The following SLC38A9 variants were observed in gnomAD, a reference collection of about 807,000 sequenced individuals.
SLC38A9 encodes the protein neutral amino acid transporter 9.
A neutral mutation model predicts 62.3 loss-of-function variants in SLC38A9; 48 were observed. The ratio of observed to expected loss-of-function variants is 0.77; its 90% confidence interval spans 0.61 to 0.98. The LOEUF is 0.98. SLC38A9 is among the 50% of genes least tolerant of loss of function. SLC38A9 has a pLI of 0.00. For synonymous variants in SLC38A9, 204 were observed against 227.7 expected, an observed-to-expected ratio of 0.90 and a Z score of 0.94; for missense variants, 541 against 679.8, an observed-to-expected ratio of 0.80 and a Z score of 2.27.
chr5:55,669,141 C>T (rs1196833047), intron 7 of SLC38A9, 87 bp downstream of exon 7: 9 of 820,118 alleles, frequency 1.1e-5, no homozygotes, highest in Non-Finnish European at 1.7e-5. Context: ...AGCTGACACA[C>T]ATGTAGCATA....
chr5:55,684,113 C>T (rs1345744070), intron 3 of SLC38A9, among the ~76,000 whole-genome samples: 1 of 151,964 alleles, frequency 6.6e-6, no homozygotes, highest in Non-Finnish European at 1.5e-5. Context: ...TTATTTTTTT[C>T]ATATTTATCT....
rs1265488643 is a variant in SLC38A9 at position 55,661,725 on chromosome 5, A to G, written c.697+2968T>C. ...TTTTAAAATAAAAAACTTTTGAATA[A>G]CACAGAGCTACCATATAAAAAGAGA... On this transcript the variant is annotated intron_variant, in intron 8 of 15. Coordinates refer to ENST00000396865, the MANE Select transcript of SLC38A9 (RefSeq NM_173514.4). 2.0e-5 allele frequency among the ~76,000 whole-genome samples: 3 copies of G among 152,178 alleles called. No individual in the cohort carries two copies. In the East Asian group the frequency reaches 5.8e-4, roughly 29 times the overall value.
chr5:55,652,534 A>T lies in SLC38A9; in HGVS notation c.947T>A (p.Ile316Asn). Residue 316 changes from isoleucine (I) to asparagine (N), a missense_variant, in exon 10 of 16, where the codon ATC becomes AAC. Physicochemically the swap from Ile to Asn is moderately radical, Grantham distance 149. Coordinates refer to ENST00000396865, the MANE Select transcript of SLC38A9 (RefSeq NM_173514.4). ...KSPSFFSKFN[I>N]LGTVSVLYLI... ...AATTCAGTGCTACTACTTACCTAGGATATTAAATTTTGAAAAAAATGAAGG... is the reference window on the plus strand; with the variant it reads ...AATTCAGTGCTACTACTTACCTAGGTTATTAAATTTTGAAAAAAATGAAGG... The T allele has an allele frequency of 1.3e-6, 2 of 1,595,554 alleles. No homozygotes were observed. The highest frequency in any genetic ancestry group is 1.7e-6 in the Non-Finnish European group (2 of 1,169,468).
intron 2 of SLC38A9, among the ~76,000 whole-genome samples, chr5:55,699,132 G>A (rs1756311157): frequency 6.6e-6 from 1 of 152,102 alleles, no homozygotes; most frequent in Admixed American, 6.5e-5. Flanking sequence ...GCACGCTCCT[G>A]TAATCCCAGT....
chr5:55,689,737 C>T (rs1457787234), intron 3 of SLC38A9, among the ~76,000 whole-genome samples: 1 of 152,170 alleles, frequency 6.6e-6, no homozygotes, highest in Admixed American at 6.5e-5. Flanking sequence ...CAGTCCCCAA[C>T]TTACAGCAGT....
chr5:55,643,863 T>G (rs984196401), intron 12 of SLC38A9, among the ~76,000 whole-genome samples: 1 of 152,256 alleles, frequency 6.6e-6, no homozygotes, highest in Non-Finnish European at 1.5e-5. Flanking sequence ...TTTCTTATGT[T>G]TAATATTTGC....
intron 2 of SLC38A9, among the ~76,000 whole-genome samples, chr5:55,710,559 T>C (rs771110544): frequency 6.6e-6 from 1 of 152,148 alleles, no homozygotes; most frequent in Non-Finnish European, 1.5e-5. Flanking sequence ...GGCAGAGAGA[T>C]TTTTCTCAAG....
chr5:55,657,238 CT>C (rs1748615695), intron 8 of SLC38A9, among the ~76,000 whole-genome samples: 2 of 152,126 alleles, frequency 1.3e-5, no homozygotes, highest in Admixed American at 1.3e-4. Context: ...GTTTTCTTCA[CT>C]TATGGGCATG....
At chr5:55,627,160 A>G (rs960364158) in intron 15 of SLC38A9, among the ~76,000 whole-genome samples, 4 of 152,152 alleles carry the variant, frequency 2.6e-5, no homozygotes, top group African/African-American at 9.6e-5. Flanking sequence ...CCTTTTCTCT[A>G]TACTTGGGTT....
intron 3 of SLC38A9, among the ~76,000 whole-genome samples, chr5:55,674,628 T>A (rs1311705033): frequency 1.3e-5 from 2 of 152,132 alleles, no homozygotes; most frequent in Non-Finnish European, 2.9e-5. Context: ...AAGAAATAAA[T>A]CTCTGTTCTT....
intron 8 of SLC38A9, among the ~76,000 whole-genome samples, chr5:55,664,362 T>C (rs13167528): frequency 0.6 from 90,847 of 151,808 alleles, 27,782 homozygotes; most frequent in South Asian, 0.7. Context: ...TGAAAATAAG[T>C]GGCTGAAATT....
At chr5:55,681,877 C>A (rs2150437540) in intron 3 of SLC38A9, among the ~76,000 whole-genome samples, 1 of 152,310 alleles carries the variant, frequency 6.6e-6, no homozygotes, top group East Asian at 1.9e-4. Flanking sequence ...TACTGGAACA[C>A]AGCCAGGCCC....
intron 10 of SLC38A9, among the ~76,000 whole-genome samples, chr5:55,649,936 AG>A (rs1225221418): frequency 6.6e-6 from 1 of 152,226 alleles, no homozygotes; most frequent in Non-Finnish European, 1.5e-5. Context: ...AGATACAAGC[AG>A]AGAGTCCATT....
intron 3 of SLC38A9, among the ~76,000 whole-genome samples, chr5:55,684,047 T>A (rs983991093): frequency 3.3e-5 from 5 of 152,248 alleles, no homozygotes; most frequent in Non-Finnish European, 7.3e-5. Flanking sequence ...TTAATTTGGG[T>A]ACTGTAATTA....
At chr5:55,638,084 T>TCAA (rs1219122828) in intron 12 of SLC38A9, among the ~76,000 whole-genome samples, 1 of 152,216 alleles carries the variant, frequency 6.6e-6, no homozygotes, top group Non-Finnish European at 1.5e-5. Flanking sequence ...AAGTTTTATT[T>TCAA]CACAGTACTC....
intron 3 of SLC38A9, chr5:55,696,904 C>CTGCAATCTCGGCACTTTGGGAG (rs1755916062): frequency 6.2e-6 from 1 of 160,678 alleles, no homozygotes; most frequent in Non-Finnish European, 1.3e-5. Context: ...CGGGCAGAGG[C>CTGCAATCTCGGCACTTTGGGAG]GCTCCTCACA....
At chr5:55,699,724 G>A (rs1756394410) in intron 2 of SLC38A9, among the ~76,000 whole-genome samples, 2 of 151,038 alleles carry the variant, frequency 1.3e-5, no homozygotes, top group Non-Finnish European at 1.5e-5. Context: ...GAATTTTTAG[G>A]AAAAAAAAAA....
chr5:55,634,430 AT>A (rs977240838), intron 13 of SLC38A9: 6 of 152,160 alleles, frequency 3.9e-5, no homozygotes, highest in African/African-American at 7.2e-5. Flanking sequence ...ATTTAAAAGG[AT>A]TTATCTCTAC....
rs138430367 is a variant in SLC38A9, at chr5:55,635,445, AG to A, written c.1281+98del. 1,424 of 845,234 alleles carry A rather than the reference AG, an allele frequency of 1.7e-3. 15 individuals are homozygous for A. In the African/African-American group the frequency reaches 0.022, roughly 13 times the overall value. 52.4% of individuals were successfully genotyped at this position (845,234 alleles called of 1,614,324 possible). ...GATAGCAGAGATGGTATTAAAACCCAGGCCTATCTGATGTTATATCTTGCCA... is the reference window on the plus strand; with the variant it reads ...GATAGCAGAGATGGTATTAAAACCCAGCCTATCTGATGTTATATCTTGCCA... On this transcript the variant is annotated intron_variant, in intron 13 of 15. Transcript: ENST00000396865.
Sources: gnomAD v4.1 joint callset for allele counts (sites outside exome capture counted in the v4.1 genomes callset) on GRCh38, gnomAD v4.1.1 for gene constraint, MANE v1.5 for transcripts, NCBI Gene and HGNC (gene_info 2026-07-23, HGNC 2026-07-21) for gene names.